Variants in PSME3IP1 observed in about 807,000 individuals in gnomAD.
PSME3IP1 encodes PSME3-interacting protein.
In PSME3IP1, 13 loss-of-function variants were observed where a neutral mutation model predicts 34.1. The observed-to-expected ratio is 0.38, with a 90% CI of 0.25 to 0.61. The LOEUF is 0.61. Ranked by LOEUF, PSME3IP1 falls within the 20% of genes least tolerant of loss-of-function variation. The pLI is 0.60. For missense variants in PSME3IP1, 237 were observed against 301.4 expected, an observed-to-expected ratio of 0.79 and a Z score of 1.58; for synonymous variants, 93 against 114.3, an observed-to-expected ratio of 0.81 and a Z score of 1.19.
intron 6 of PSME3IP1, among the ~76,000 whole-genome samples, chr16:57,163,792 A>G (rs1398970578): frequency 6.6e-6 from 1 of 152,254 alleles, no homozygotes; most frequent in African/African-American, 2.4e-5. Context: ...TTCTAATATA[A>G]TAACTTTTGC....
At chr16:57,175,260 G>C (rs1285828327) in intron 1 of PSME3IP1, among the ~76,000 whole-genome samples, 1 of 152,088 alleles carries the variant, frequency 6.6e-6, no homozygotes, top group African/African-American at 2.4e-5. Context: ...TGATCTGCCC[G>C]CCTAGGCCTC....
At chr16:57,156,887 G>A (rs770899648) in intron 6 of PSME3IP1, among the ~76,000 whole-genome samples, 15 of 152,254 alleles carry the variant, frequency 9.9e-5, no homozygotes, top group Admixed American at 2.6e-4. Flanking sequence ...AAAGTTCTTC[G>A]AACTTAAATG....
intron 1 of PSME3IP1, chr16:57,178,576 G>A (rs1176083459): frequency 5.1e-6 from 5 of 985,238 alleles, no homozygotes; most frequent in East Asian, 1.1e-4. Flanking sequence ...CCTAGGTACT[G>A]TGCAATGTAA....
chr16:57,168,504 T>A (rs200063101), intron 4 of PSME3IP1, among the ~76,000 whole-genome samples: 3 of 150,788 alleles, frequency 2.0e-5, no homozygotes, highest in East Asian at 1.9e-4. Flanking sequence ...CATTTTTATT[T>A]AAAAAAAAAT....
intron 6 of PSME3IP1, among the ~76,000 whole-genome samples, chr16:57,155,036 AT>A (rs2070353047): frequency 6.6e-6 from 1 of 152,230 alleles, no homozygotes; most frequent in Non-Finnish European, 1.5e-5. Context: ...CTTTTTAAAC[AT>A]TTTAAAAAAT....
chr16:57,154,837 T>C lies in PSME3IP1; in HGVS notation c.548-330A>G, dbSNP rs1367323220. Among the ~76,000 whole-genome samples the C allele has an allele frequency of 1.3e-5, 2 of 152,100 alleles. No homozygotes were observed. Among genetic ancestry groups the C allele is most frequent in the African/African-American group, 4.8e-5 (2 of 41,434 alleles). Reference sequence around the variant, plus strand: ...AGCTACTCTGGAGTGTAGCCTAGAGTGCTTTGATTTCCCTGTGCTCACACA... The same window carrying C: ...AGCTACTCTGGAGTGTAGCCTAGAGCGCTTTGATTTCCCTGTGCTCACACA... On this transcript the variant is annotated intron_variant, in intron 6 of 6. Transcript: ENST00000309137. The surrounding 1 kb of genome is among the most constrained non-coding windows in gnomAD (Gnocchi z 4.0).
At position 57,185,827 on chromosome 16, in the gene PSME3IP1, G is replaced by A; in HGVS notation, c.-22C>T. On this transcript the variant is annotated 5_prime_UTR_variant, in exon 1 of 7. Coordinates refer to ENST00000309137, the MANE Select transcript of PSME3IP1 (RefSeq NM_024946.4). ...GGACCGAGGCCGCACTCACCTACCG[G>A]CGCGCGGGAGGCGAGACGACCTCAC... 3.0e-6 allele frequency: 3 copies of A among 985,322 alleles called. No individual in the cohort carries two copies. In the African/African-American group the frequency reaches 5.2e-5, roughly 17 times the overall value. 61.0% of individuals were successfully genotyped at this position (985,322 alleles called of 1,614,324 possible).
At chr16:57,163,854 C>A in intron 6 of PSME3IP1, 147 bp downstream of exon 6, 2 of 774,246 alleles carry the variant, frequency 2.6e-6, no homozygotes, top group Non-Finnish European at 4.4e-6. Context: ...AAAATCCTGC[C>A]TGGCATAAAA....
At chr16:57,179,927 GACTT>G (rs1396105445) in intron 1 of PSME3IP1, among the ~76,000 whole-genome samples, 6 of 152,176 alleles carry the variant, frequency 3.9e-5, no homozygotes, top group African/African-American at 2.4e-5. Flanking sequence ...TTCAAATAAA[GACTT>G]ATTTCTGGCC....
In PSME3IP1 at chr16:57,185,738, T is replaced by C. The variant is rs1314540910; in HGVS notation, c.-16+83A>G. On this transcript the variant is annotated intron_variant, in intron 1 of 6. Transcript: ENST00000309137. The stretch of plus-strand genomic sequence containing the variant: ...CTGAGAACAGGCCTGGCCCTAACCC[T>C]AACAGCAGCCGCAGCTCATCTCTTC... The C allele has an allele frequency of 6.1e-6, 6 of 985,272 alleles. No individual in the cohort carries two copies. In the African/African-American group the frequency reaches 1.0e-4, roughly 17 times the overall value. The allele number at this position is 985,272 out of a possible 1,614,324, so 61.0% of individuals were successfully genotyped here.
At chr16:57,164,307 T>C (rs77008364) in intron 5 of PSME3IP1, among the ~76,000 whole-genome samples, 5 of 152,356 alleles carry the variant, frequency 3.3e-5, no homozygotes, top group Non-Finnish European at 7.3e-5. Flanking sequence ...AACCATCACT[T>C]CAACTTCAGA....
intron 1 of PSME3IP1, 69 bp downstream of exon 1, chr16:57,185,752 G>A: frequency 6.1e-6 from 6 of 985,492 alleles, no homozygotes; most frequent in Non-Finnish European, 7.2e-6. Flanking sequence ...AGCAGCCGCA[G>A]CTCATCTCTT....
chr16:57,173,146 C>T (rs2072792939), intron 2 of PSME3IP1, among the ~76,000 whole-genome samples: 1 of 152,218 alleles, frequency 6.6e-6, no homozygotes, highest in South Asian at 2.1e-4. Context: ...AAACCCTCCA[C>T]AGCAGCAGTG....
chr16:57,170,499 A>C (rs1217449375), intron 4 of PSME3IP1, among the ~76,000 whole-genome samples: 1 of 152,258 alleles, frequency 6.6e-6, no homozygotes, highest in East Asian at 1.9e-4. Context: ...GGATTACACC[A>C]GTGATGTTAC....
intron 4 of PSME3IP1, among the ~76,000 whole-genome samples, chr16:57,170,902 G>A (rs933736387): frequency 6.6e-6 from 1 of 152,076 alleles, no homozygotes; most frequent in Admixed American, 6.6e-5. Flanking sequence ...ATGAAACCTC[G>A]TCTCTACTAA....
At chr16:57,157,003 T>G (rs893935761) in intron 6 of PSME3IP1, among the ~76,000 whole-genome samples, 2 of 152,192 alleles carry the variant, frequency 1.3e-5, no homozygotes, top group African/African-American at 4.8e-5. Flanking sequence ...GGACTACTAT[T>G]CAACCATGAA....
In PSME3IP1 at chr16:57,167,076, T is replaced by C. The variant is rs766102647; in HGVS notation, c.482+17A>G. ...CACGGTCAGAGAGAAATCTGAGTTG[T>C]GTGAGTGCTGACTAACCTCTTATGC... On this transcript the variant is annotated intron_variant, in intron 5 of 6. Coordinates refer to ENST00000309137, the MANE Select transcript of PSME3IP1 (RefSeq NM_024946.4). 3 of 1,612,394 alleles carry C rather than the reference T, an allele frequency of 1.9e-6. No individual in the cohort carries two copies. Among genetic ancestry groups the C allele is most frequent in the Non-Finnish European group, 2.5e-6 (3 of 1,179,916 alleles).
chr16:57,158,724 G>C (rs1324485927), intron 6 of PSME3IP1, among the ~76,000 whole-genome samples: 2 of 152,166 alleles, frequency 1.3e-5, no homozygotes, highest in Non-Finnish European at 2.9e-5. Flanking sequence ...TTAATGATGG[G>C]AATATGACCT....
rs532517556 is a variant in PSME3IP1 at position 57,154,153 on chromosome 16, T to A, written c.*137A>T. ...AGGTGGATTCTGGCACATTTTTAGATTGGATTGGTTAAAAATGTCATGTTG... is the reference window on the plus strand; with the variant it reads ...AGGTGGATTCTGGCACATTTTTAGAATGGATTGGTTAAAAATGTCATGTTG... On this transcript the variant is annotated 3_prime_UTR_variant, in exon 7 of 7. Transcript: ENST00000309137. The surrounding 1 kb of genome is among the most constrained non-coding windows in gnomAD (Gnocchi z 4.0). 88 of 702,406 alleles carry A rather than the reference T, an allele frequency of 1.3e-4. 3 individuals are homozygous for A. The South Asian group carries it at 1.6e-3, about 13-fold the overall frequency. The allele number at this position is 702,406 out of a possible 1,614,324, so 43.5% of individuals were successfully genotyped here.
Sources: allele counts gnomAD v4.1 joint callset (sites outside exome capture counted in the v4.1 genomes callset), GRCh38; gene constraint gnomAD v4.1.1; non-coding constraint Gnocchi (gnomAD v3.1); transcripts MANE v1.5; gene names NCBI Gene and HGNC (gene_info 2026-07-23, HGNC 2026-07-21).